The following DHX15 variants were observed in gnomAD, a reference collection of about 807,000 sequenced individuals.
DHX15 encodes the protein ATP-dependent RNA helicase DHX15.
DHX15 carries 11 observed loss-of-function variants against 94.4 expected under a neutral mutation model. The observed-to-expected ratio is 0.12, with a 90% CI of 0.07 to 0.19. DHX15 has a LOEUF of 0.19. DHX15 is among the 10% of genes least tolerant of loss of function. The pLI, the probability that DHX15 is intolerant of heterozygous loss-of-function variation, is 1.00. For synonymous variants in DHX15, 338 were observed against 329.9 expected (o/e 1.02, Z -0.27); for missense variants, 304 against 988.5 (o/e 0.31, Z 9.29).
intron 8 of DHX15, 61 bp downstream of exon 8, chr4:24,541,812 T>C (rs1446118330): frequency 4.1e-6 from 6 of 1,445,996 alleles, no homozygotes; most frequent in East Asian, 2.4e-5. Context: ...AATGTTCTTC[T>C]GGTAAGATAA....
At chr4:24,545,486 CATT>C (rs1218460980) in intron 6 of DHX15, among the ~76,000 whole-genome samples, 3 of 152,154 alleles carry the variant, frequency 2.0e-5, no homozygotes, top group African/African-American at 4.8e-5. Flanking sequence ...AAACCCTCGT[CATT>C]ATTGATATTA....
At chr4:24,542,102 C>T (rs1211245560) in intron 7 of DHX15, 80 bp from the exon 8 acceptor site, 5 of 1,169,532 alleles carry the variant, frequency 4.3e-6, no homozygotes, top group Non-Finnish European at 5.9e-6. Context: ...CCAAAGCCCA[C>T]AGTTAATTCC....
At chr4:24,534,113 A>G (rs895931821) in intron 11 of DHX15, 13 of 152,222 alleles carry the variant, frequency 8.5e-5, no homozygotes, top group Non-Finnish European at 1.5e-4. Context: ...TAAAGAATAC[A>G]ATAACATATT....
chr4:24,583,160 G>T (rs181921365), intron 1 of DHX15, among the ~76,000 whole-genome samples: 13 of 152,314 alleles, frequency 8.5e-5, no homozygotes, highest in African/African-American at 3.1e-4. Context: ...ATACAATTAT[G>T]CAAAGTATTT....
At position 24,536,517 on chromosome 4, in the gene DHX15, T is replaced by C. The variant is rs1234366956; in HGVS notation, c.1909+534A>G. Among the ~76,000 whole-genome samples the C allele has an allele frequency of 3.3e-5, 5 of 152,194 alleles. No individual in the cohort carries two copies. The East Asian group carries it at 9.6e-4, about 29-fold the overall frequency. Reference sequence around the variant, plus strand: ...TTTTATGTGAGAAAATGGTAATGCCTTTCATTATCAATAATAATGCCAAAA... The same window carrying C: ...TTTTATGTGAGAAAATGGTAATGCCCTTCATTATCAATAATAATGCCAAAA... On this transcript the variant is annotated intron_variant, in intron 11 of 13. Coordinates refer to ENST00000336812, the MANE Select transcript of DHX15 (RefSeq NM_001358.3).
At chr4:24,554,134 C>T (rs1041005553) in intron 5 of DHX15, among the ~76,000 whole-genome samples, 2 of 152,156 alleles carry the variant, frequency 1.3e-5, no homozygotes, top group East Asian at 1.9e-4. Flanking sequence ...AGGAGAATGG[C>T]GTGAACCCAG....
intron 1 of DHX15, 154 bp downstream of exon 1, chr4:24,584,169 C>T (rs1041081862): frequency 1.3e-6 from 1 of 786,436 alleles, no homozygotes; most frequent in Non-Finnish European, 2.0e-6. Context: ...CGAACGGGCG[C>T]CGCGCTTCTC....
intron 1 of DHX15, among the ~76,000 whole-genome samples, chr4:24,577,805 G>A (rs1438727455): frequency 6.6e-6 from 1 of 152,132 alleles, no homozygotes; most frequent in Admixed American, 6.5e-5. Context: ...AATAATCTAT[G>A]CTTGTTCATT....
At chr4:24,541,662 G>A (rs913173895) in intron 8 of DHX15, among the ~76,000 whole-genome samples, 3 of 152,046 alleles carry the variant, frequency 2.0e-5, no homozygotes, top group African/African-American at 7.2e-5. Flanking sequence ...GTTTTTAGGC[G>A]TGGGAGGGGG....
chr4:24,566,564 G>A (rs1042484640), intron 3 of DHX15, among the ~76,000 whole-genome samples: 6 of 152,062 alleles, frequency 3.9e-5, no homozygotes, highest in Non-Finnish European at 5.9e-5. Flanking sequence ...AGTGGCTCAC[G>A]CCTGTAATCC....
intron 6 of DHX15, among the ~76,000 whole-genome samples, chr4:24,547,931 A>ATCTATATATC (rs1721478652): frequency 5.5e-5 from 2 of 36,326 alleles, no homozygotes; most frequent in Admixed American, 4.5e-4. Flanking sequence ...ATATATATAT[A>ATCTATATATC]TATATATATA....
chr4:24,579,866 A>T (rs1722370355), intron 1 of DHX15, among the ~76,000 whole-genome samples: 1 of 152,118 alleles, frequency 6.6e-6, no homozygotes, highest in Non-Finnish European at 1.5e-5. Flanking sequence ...CCCTGTTTCA[A>T]GCGATTCTCC....
At chr4:24,533,108 G>C (rs1478362802) in intron 11 of DHX15, 54 bp from the exon 12 acceptor site, 42 of 1,423,960 alleles carry the variant, frequency 2.9e-5, no homozygotes, top group Non-Finnish European at 4.2e-5. Context: ...ACCCACACAG[G>C]AATGTTCTCT....
intron 8 of DHX15, 135 bp from the exon 9 acceptor site, chr4:24,541,083 C>T (rs937376889): frequency 3.8e-6 from 2 of 522,890 alleles, no homozygotes; most frequent in South Asian, 3.1e-5. Flanking sequence ...GAGATAAATA[C>T]TTGTAGGCTA....
At chr4:24,542,858 G>T in intron 7 of DHX15, 82 bp downstream of exon 7, 1 of 984,750 alleles carries the variant, frequency 1.0e-6, no homozygotes, top group Non-Finnish European at 1.5e-6. Context: ...AATTCTGAAA[G>T]GTAAATTTTA....
intron 3 of DHX15, among the ~76,000 whole-genome samples, chr4:24,569,591 C>CAAAAAAAAAAAAAA (rs60075617): frequency 1.5e-5 from 1 of 68,656 alleles, no homozygotes; most frequent in Non-Finnish European, 2.7e-5. Context: ...GACTCCATCT[C>CAAAAAAAAAAAAAA]AAAAAAAAAA....
chr4:24,551,305 TG>T (rs1721597803), intron 5 of DHX15, among the ~76,000 whole-genome samples: 1 of 151,070 alleles, frequency 6.6e-6, no homozygotes, highest in African/African-American at 2.4e-5. Flanking sequence ...GTCAACAAAG[TG>T]CGTGTTTTTT....
intron 5 of DHX15, among the ~76,000 whole-genome samples, chr4:24,550,001 G>A (rs540101277): frequency 6.8e-6 from 1 of 148,132 alleles, no homozygotes; most frequent in South Asian, 2.1e-4. Context: ...GCTGAGGCGG[G>A]AGAATCGCTT....
At chr4:24,577,974 CCT>C (rs1343461708) in intron 1 of DHX15, among the ~76,000 whole-genome samples, 1 of 152,092 alleles carries the variant, frequency 6.6e-6, no homozygotes, top group African/African-American at 2.4e-5. Flanking sequence ...GTACAAATTC[CCT>C]GTGCTCCAAG....
Sources: allele counts gnomAD v4.1 joint callset (sites outside exome capture counted in the v4.1 genomes callset), GRCh38; gene constraint gnomAD v4.1.1; transcripts MANE v1.5; gene names NCBI Gene and HGNC (gene_info 2026-07-23, HGNC 2026-07-21).